The following ZBTB7C variants were observed in gnomAD, a reference collection of about 807,000 sequenced individuals.
ZBTB7C encodes the protein zinc finger and BTB domain containing 7C.
Under a neutral mutation model 25.7 loss-of-function variants are expected in ZBTB7C, and 8 were observed. The ratio of observed to expected loss-of-function variants is 0.31; its 90% confidence interval spans 0.18 to 0.56. ZBTB7C has a LOEUF of 0.56. Among genes scored for constraint, ZBTB7C ranks in the 20% least tolerant of loss-of-function variants. The pLI, the probability that ZBTB7C is intolerant of heterozygous loss-of-function variation, is 0.91. For synonymous variants in ZBTB7C, 394 were observed against 369.0 expected (o/e 1.07, Z -0.78); for missense variants, 824 against 855.2 (o/e 0.96, Z 0.46).
At chr18:48,304,789 C>T (rs972684094) in intron 2 of ZBTB7C, among the ~76,000 whole-genome samples, 5 of 139,748 alleles carry the variant, frequency 3.6e-5, no homozygotes, top group Admixed American at 7.7e-5. Context: ...TGCAGTGAGC[C>T]GAGATCACAC....
At position 48,029,479 on chromosome 18, in the gene ZBTB7C, C is replaced by T. The variant is rs963972174; in HGVS notation, c.1641G>A (p.Leu547=). Residue 547 remains leucine, a synonymous_variant, in exon 5 of 5, where the codon CTG becomes CTA. Transcript: ENST00000590800. ...TCTGTGTCTCCTCGAACTGCCGCTC[C>T]AGCTCTTGCAGGCTCAGGGCGCCCT... ...APKGALSLQE[L]ERQFEETQMK... The T allele has an allele frequency of 1.9e-6, 3 of 1,596,370 alleles. No homozygotes were observed. Among genetic ancestry groups the T allele is most frequent in the East Asian group, 2.3e-5 (1 of 43,934 alleles).
chr18:48,167,597 T>TGTGTGTGTGC (rs779870966), intron 3 of ZBTB7C, among the ~76,000 whole-genome samples: 84 of 148,158 alleles, frequency 5.7e-4, no homozygotes, highest in African/African-American at 1.4e-3. Flanking sequence ...TGTGTGTGTG[T>TGTGTGTGTGC]GCGCGCGTGC....
rs138631133 is a variant in ZBTB7C, at chr18:48,301,987, C to A, written c.-79+36187G>T. Among the ~76,000 whole-genome samples the A allele has an allele frequency of 4.2e-3, 633 of 152,282 alleles. 3 individuals carry two copies. The highest frequency in any genetic ancestry group is 0.014 in the African/African-American group (585 of 41,552). On this transcript the variant is annotated intron_variant, in intron 2 of 4. Coordinates refer to ENST00000590800, the MANE Select transcript of ZBTB7C (RefSeq NM_001318841.2). ...AGCATCTGGAAACCAGCTCCTTTCC[C>A]ACCTAGAAGATGGGTAACAACTGCC...
chr18:48,221,131 C>G (rs1299482619), intron 2 of ZBTB7C, among the ~76,000 whole-genome samples: 1 of 150,916 alleles, frequency 6.6e-6, no homozygotes, highest in African/African-American at 2.4e-5. Context: ...CTCCTCTATA[C>G]TGTCCTATTC....
Position 48,084,004 on chromosome 18 carries a change from G to A in ZBTB7C, c.-16-42881C>T, listed in dbSNP as rs533513775. 8.1e-6 allele frequency: 4 copies of A among 493,170 alleles called. No individual in the cohort carries two copies. In the East Asian group the frequency reaches 6.1e-4, roughly 76 times the overall value. The allele number at this position is 493,170 out of a possible 1,614,324, so 30.5% of individuals were successfully genotyped here. A position where few individuals can be genotyped will look rare whatever the true frequency, so the allele number is the denominator to read the frequency against. On this transcript the variant is annotated intron_variant, in intron 3 of 4. Coordinates refer to ENST00000590800, the MANE Select transcript of ZBTB7C (RefSeq NM_001318841.2). ...GGACAGCCTCCTCCCTTGTGCCTATGGAAGGTTTCCACACCGAAGGAAACT... is the reference window on the plus strand; with the variant it reads ...GGACAGCCTCCTCCCTTGTGCCTATAGAAGGTTTCCACACCGAAGGAAACT...
Position 48,221,637 on chromosome 18 carries a change from T to C in ZBTB7C, c.-78-35642A>G, listed in dbSNP as rs181496800. 1.4e-4 allele frequency among the ~76,000 whole-genome samples: 21 copies of C among 149,264 alleles called. No individual in the cohort carries two copies. The East Asian group carries it at 3.2e-3, about 23-fold the overall frequency. ...CAGTCTCCTCTATACTGTCCTAGTC[T>C]CCTCTATACTGTCCTAATCTCCTTT... is the stretch of plus-strand genomic sequence containing the variant. On this transcript the variant is annotated intron_variant, in intron 2 of 4. Coordinates refer to ENST00000590800, the MANE Select transcript of ZBTB7C (RefSeq NM_001318841.2).
At chr18:48,216,676 T>C (rs986705185) in intron 2 of ZBTB7C, among the ~76,000 whole-genome samples, 3 of 152,056 alleles carry the variant, frequency 2.0e-5, no homozygotes, top group Admixed American at 6.6e-5. Flanking sequence ...GCAGTCATCC[T>C]AAAACCCCGC....
intron 1 of ZBTB7C, among the ~76,000 whole-genome samples, chr18:48,403,109 G>A (rs2048198794): frequency 6.6e-6 from 1 of 152,182 alleles, no homozygotes; most frequent in African/African-American, 2.4e-5. Flanking sequence ...GCCAATGAAT[G>A]AAGCGGGTGG....
chr18:48,066,272 G>C (rs2037326091), intron 3 of ZBTB7C, among the ~76,000 whole-genome samples: 1 of 152,160 alleles, frequency 6.6e-6, no homozygotes, highest in African/African-American at 2.4e-5. Flanking sequence ...AGACTCTTTG[G>C]AACACAATCT....
intron 3 of ZBTB7C, among the ~76,000 whole-genome samples, chr18:48,151,252 C>A: frequency 6.6e-6 from 1 of 152,146 alleles, no homozygotes; most frequent in South Asian, 2.1e-4. Context: ...CACCAGTGGA[C>A]ACGGCATGAC....
At chr18:48,255,517 C>T (rs1268349543) in intron 2 of ZBTB7C, among the ~76,000 whole-genome samples, 3 of 152,176 alleles carry the variant, frequency 2.0e-5, no homozygotes, top group African/African-American at 7.2e-5. Flanking sequence ...AGTTGTTTAT[C>T]TGACCTTCCA....
At chr18:48,329,500 A>G (rs755214538) in intron 2 of ZBTB7C, among the ~76,000 whole-genome samples, 4 of 152,204 alleles carry the variant, frequency 2.6e-5, no homozygotes, top group Admixed American at 6.5e-5. Flanking sequence ...TAAAACAACC[A>G]AAAGTACAAC....
In ZBTB7C at chr18:48,186,990, G is replaced by A. The variant is rs58625254; in HGVS notation, c.-78-995C>T. On this transcript the variant is annotated intron_variant, in intron 2 of 4. Coordinates refer to ENST00000590800, the MANE Select transcript of ZBTB7C (RefSeq NM_001318841.2). ...AAGAGGCCTTGACACTGGCTGAAGCGCAGACTGAGCAGCCTAGCTCGGAAT... is the reference window on the plus strand; with the variant it reads ...AAGAGGCCTTGACACTGGCTGAAGCACAGACTGAGCAGCCTAGCTCGGAAT... Among the ~76,000 whole-genome samples the A allele has an allele frequency of 8.5e-3, 1,295 of 152,312 alleles. 16 individuals are homozygous for A. The highest frequency in any genetic ancestry group is 0.029 in the African/African-American group (1,216 of 41,562).
intron 3 of ZBTB7C, among the ~76,000 whole-genome samples, chr18:48,093,181 G>A (rs919902782): frequency 6.6e-6 from 1 of 152,230 alleles, no homozygotes; most frequent in East Asian, 1.9e-4. Context: ...TAGGGTAAGG[G>A]AGCTGGGCCC....
At chr18:48,256,581 G>C (rs2044028563) in intron 2 of ZBTB7C, among the ~76,000 whole-genome samples, 1 of 151,374 alleles carries the variant, frequency 6.6e-6, no homozygotes, top group Admixed American at 6.6e-5. Context: ...TCTAGACAAA[G>C]CAATGATAGC....
At chr18:48,292,668 C>G (rs993740363) in intron 2 of ZBTB7C, among the ~76,000 whole-genome samples, 1 of 152,290 alleles carries the variant, frequency 6.6e-6, no homozygotes, top group African/African-American at 2.4e-5. Context: ...GGATGAAAGA[C>G]TGAGGATCAA....
chr18:48,208,518 T>A (rs1167541181), intron 2 of ZBTB7C, among the ~76,000 whole-genome samples: 1 of 152,200 alleles, frequency 6.6e-6, no homozygotes, highest in Non-Finnish European at 1.5e-5. Context: ...TGGGGGAATA[T>A]CTTAGTTGGC....
intron 2 of ZBTB7C, among the ~76,000 whole-genome samples, chr18:48,255,408 G>C (rs72907424): frequency 0.25 from 38,783 of 152,118 alleles, 5,215 homozygotes; most frequent in Middle Eastern, 0.35. Context: ...ATTTCTAAGA[G>C]GCCATTGGTT....
At chr18:48,067,957 C>T (rs929545484) in intron 3 of ZBTB7C, among the ~76,000 whole-genome samples, 1 of 152,032 alleles carries the variant, frequency 6.6e-6, no homozygotes, top group African/African-American at 2.4e-5. Context: ...GCCAAGATTG[C>T]ACCATTGCAC....
Sources: allele counts gnomAD v4.1 joint callset (sites outside exome capture counted in the v4.1 genomes callset), GRCh38; gene constraint gnomAD v4.1.1; transcripts MANE v1.5; gene names NCBI Gene and HGNC (gene_info 2026-07-23, HGNC 2026-07-21).